Variants in ZNF704 observed in about 807,000 individuals in gnomAD.
ZNF704 encodes the protein glucocorticoid induced gene 1.
Under a neutral mutation model 44.7 loss-of-function variants are expected in ZNF704, and 10 were observed. The observed-to-expected ratio is 0.22, with a 90% CI of 0.14 to 0.38. ZNF704 has a LOEUF of 0.38. ZNF704 is among the 10% of genes least tolerant of loss of function. The pLI, the probability that ZNF704 is intolerant of heterozygous loss-of-function variation, is 1.00. For missense variants in ZNF704, 390 were observed against 545.5 expected (o/e 0.71, Z 2.84); for synonymous variants, 211 against 207.6 (o/e 1.02, Z -0.14).
intron 1 of ZNF704, among the ~76,000 whole-genome samples, chr8:80,851,698 C>T (rs1228373551): frequency 6.6e-6 from 1 of 152,010 alleles, no homozygotes; most frequent in Admixed American, 6.5e-5. Flanking sequence ...ACGTTGTGCA[C>T]ATGTACCCTA....
intron 2 of ZNF704, among the ~76,000 whole-genome samples, chr8:80,819,646 A>G (rs777925826): frequency 2.0e-5 from 3 of 152,130 alleles, no homozygotes; most frequent in Admixed American, 2.0e-4. Flanking sequence ...TGAGATGCCT[A>G]TGAGGGTCAG....
chr8:80,833,462 A>C lies in ZNF704; in HGVS notation c.-21-11847T>G, dbSNP rs1428252500. Among the ~76,000 whole-genome samples, 3 of 152,234 alleles carry C rather than the reference A, an allele frequency of 2.0e-5. No homozygotes were observed. In the East Asian group the frequency reaches 5.8e-4, roughly 29 times the overall value. Reference sequence around the variant, plus strand: ...AACAGTCAACAGAACTCTACTCCTTATTTTAAATTACATTCTTCAAATTTC... The same window carrying C: ...AACAGTCAACAGAACTCTACTCCTTCTTTTAAATTACATTCTTCAAATTTC... On this transcript the variant is annotated intron_variant, in intron 1 of 8. Coordinates refer to ENST00000327835, the MANE Select transcript of ZNF704 (RefSeq NM_001033723.3).
intron 2 of ZNF704, among the ~76,000 whole-genome samples, chr8:80,761,977 T>G (rs906206468): frequency 4.6e-5 from 7 of 152,198 alleles, no homozygotes; most frequent in Admixed American, 3.9e-4. Flanking sequence ...CTAAAGAAAT[T>G]TTATCTTTAA....
At chr8:80,878,579 A>G (rs1468094661), upstream of ZNF704, among the ~76,000 whole-genome samples, 1 of 152,218 alleles carries the variant, frequency 6.6e-6, no homozygotes, top group African/African-American at 2.4e-5. Context: ...AGATTAGCTT[A>G]GTTTTTCCAC....
At chr8:80,700,553 C>T (rs116919849) in intron 2 of ZNF704, among the ~76,000 whole-genome samples, 38 of 152,264 alleles carry the variant, frequency 2.5e-4, no homozygotes, top group Admixed American at 1.3e-3. Context: ...TTTCAGTGAA[C>T]GATTCTCAGG....
At chr8:80,811,639 T>C (rs1331910770) in intron 2 of ZNF704, among the ~76,000 whole-genome samples, 1 of 152,242 alleles carries the variant, frequency 6.6e-6, no homozygotes, top group Non-Finnish European at 1.5e-5. Context: ...TAAAGACATA[T>C]GTGGTAGTGT....
chr8:80,675,657 T>C (rs896452387), intron 4 of ZNF704, among the ~76,000 whole-genome samples: 5 of 152,038 alleles, frequency 3.3e-5, no homozygotes, highest in African/African-American at 1.2e-4. Context: ...ATACTTGCTG[T>C]TGGGTTGACT....
intron 2 of ZNF704, among the ~76,000 whole-genome samples, chr8:80,767,451 TAAAC>T (rs1807246519): frequency 6.6e-6 from 1 of 152,116 alleles, no homozygotes; most frequent in African/African-American, 2.4e-5. Flanking sequence ...TAATAGTTGC[TAAAC>T]AAATAAGAAT....
intron 2 of ZNF704, among the ~76,000 whole-genome samples, chr8:80,723,578 A>G (rs1363660391): frequency 6.6e-6 from 1 of 152,248 alleles, no homozygotes; most frequent in Non-Finnish European, 1.5e-5. Context: ...GTATTTTTAA[A>G]AATGGATGAT....
At chr8:80,778,620 C>T (rs573374149) in intron 2 of ZNF704, among the ~76,000 whole-genome samples, 101 of 152,078 alleles carry the variant, frequency 6.6e-4, no homozygotes, top group Non-Finnish European at 1.1e-3. Flanking sequence ...TGCCCACCAA[C>T]GGTAGACTGT....
At chr8:80,672,682 C>T (rs1447670113) in intron 4 of ZNF704, among the ~76,000 whole-genome samples, 1 of 152,196 alleles carries the variant, frequency 6.6e-6, no homozygotes, top group Non-Finnish European at 1.5e-5. Flanking sequence ...ATACTGCATG[C>T]TCTCACTTCT....
intron 2 of ZNF704, among the ~76,000 whole-genome samples, chr8:80,788,273 C>T (rs1255821449): frequency 6.6e-6 from 1 of 152,146 alleles, no homozygotes; most frequent in East Asian, 1.9e-4. Flanking sequence ...GTTAATCAAT[C>T]TTTTACTACT....
upstream of ZNF704, among the ~76,000 whole-genome samples, chr8:80,876,908 G>C (rs755036494): frequency 1.4e-4 from 22 of 152,076 alleles, no homozygotes; most frequent in Non-Finnish European, 2.8e-4. Context: ...GTCATCGGAG[G>C]ACCATGGTCA....
intron 2 of ZNF704, among the ~76,000 whole-genome samples, chr8:80,750,616 C>T (rs561430434): frequency 5.7e-4 from 86 of 151,882 alleles, no homozygotes; most frequent in African/African-American, 9.9e-4. Flanking sequence ...CCTGGGTTCA[C>T]GCCATTCTCC....
intron 1 of ZNF704, among the ~76,000 whole-genome samples, chr8:80,823,621 C>G (rs574500689): frequency 6.6e-6 from 1 of 152,198 alleles, no homozygotes; most frequent in East Asian, 1.9e-4. Flanking sequence ...CAGTCTGCCT[C>G]CTTAAGTGGG....
At chr8:80,819,930 A>C (rs938887014) in intron 2 of ZNF704, among the ~76,000 whole-genome samples, 3 of 152,212 alleles carry the variant, frequency 2.0e-5, no homozygotes, top group Non-Finnish European at 2.9e-5. Context: ...CGTTAATTAC[A>C]AAACGTGAAC....
chr8:80,878,344 T>G (rs1809387097), upstream of ZNF704, among the ~76,000 whole-genome samples: 1 of 152,122 alleles, frequency 6.6e-6, no homozygotes, highest in Non-Finnish European at 1.5e-5. Flanking sequence ...TTATGTTCAG[T>G]GTTTTTTTAA....
At position 80,866,233 on chromosome 8, in the gene ZNF704, T is replaced by C. The variant is rs534331327; in HGVS notation, c.-22+8338A>G. On this transcript the variant is annotated intron_variant, in intron 1 of 8. Transcript: ENST00000327835. ...GCTAAGAAAAGGCTTTGGGCAGATC[T>C]AATCTTGATCTCATTAGGGATAAAG... Among the ~76,000 whole-genome samples, 3 of 152,356 alleles carry C rather than the reference T, an allele frequency of 2.0e-5. No homozygotes were observed. The East Asian group carries it at 5.8e-4, about 29-fold the overall frequency.
In ZNF704 at chr8:80,789,098, A is replaced by T. The variant is rs904732701; in HGVS notation, c.221+32276T>A. Among the ~76,000 whole-genome samples, 7 of 152,384 alleles carry T rather than the reference A, an allele frequency of 4.6e-5. No homozygotes were observed. In the East Asian group the frequency reaches 1.3e-3, roughly 29 times the overall value. On this transcript the variant is annotated intron_variant, in intron 2 of 8. Transcript: ENST00000327835. ...AATTTCAATTAGATTTCCTACAATG[A>T]TCAATGCTAAAACCAAGAGAAACCA...
Sources: gnomAD v4.1 joint callset for allele counts (sites outside exome capture counted in the v4.1 genomes callset) on GRCh38, gnomAD v4.1.1 for gene constraint, MANE v1.5 for transcripts, NCBI Gene and HGNC (gene_info 2026-07-23, HGNC 2026-07-21) for gene names.